Variants in TYW3 observed in about 807,000 individuals in gnomAD.
TYW3 encodes the protein tRNA-yW synthesizing protein 3 homolog, also known as tRNA wybutosine-synthesizing protein 3 homolog.
In TYW3, 26 loss-of-function variants were observed where a neutral mutation model predicts 23.1. The ratio of observed to expected loss-of-function variants is 1.13; its 90% CI spans 0.83 to 1.56. TYW3 has a LOEUF of 1.56. Among genes scored for constraint, TYW3 ranks in the 40% most tolerant of loss-of-function variants. TYW3 has a pLI of 0.00. For missense variants in TYW3, 316 were observed against 311.9 expected (o/e 1.01, Z -0.10); for synonymous variants, 102 against 105.7 (o/e 0.97, Z 0.21).
intron 3 of TYW3, among the ~76,000 whole-genome samples, chr1:74,741,655 AG>A (rs1648367001): frequency 6.6e-6 from 1 of 152,152 alleles, no homozygotes; most frequent in Non-Finnish European, 1.5e-5. Flanking sequence ...TTGCCAAAGA[AG>A]TTATATTTTT....
intron 5 of TYW3, among the ~76,000 whole-genome samples, chr1:74,757,261 C>T (rs890753894): frequency 1.8e-4 from 27 of 152,154 alleles, no homozygotes; most frequent in African/African-American, 5.8e-4. Context: ...ATAGATCCAC[C>T]GACAGCTTGT....
chr1:74,762,346 T>C (rs1180278215), intron 5 of TYW3, among the ~76,000 whole-genome samples: 2 of 152,156 alleles, frequency 1.3e-5, no homozygotes, highest in East Asian at 1.9e-4. Flanking sequence ...TCTGTAGATA[T>C]CAAAAATTTC....
intron 3 of TYW3, among the ~76,000 whole-genome samples, chr1:74,745,203 G>A (rs1478265973): frequency 6.6e-6 from 1 of 152,248 alleles, no homozygotes; most frequent in Non-Finnish European, 1.5e-5. Flanking sequence ...TAAGGGTAGT[G>A]TGGGCCCAAA....
intron 2 of TYW3, among the ~76,000 whole-genome samples, chr1:74,738,146 T>C (rs1648217974): frequency 2.0e-5 from 3 of 152,144 alleles, no homozygotes; most frequent in Admixed American, 1.3e-4. Context: ...TTGCAATTGT[T>C]ACAACAACTG....
intron 1 of TYW3, among the ~76,000 whole-genome samples, chr1:74,735,543 C>T (rs191766329): frequency 3.4e-4 from 52 of 152,154 alleles, no homozygotes; most frequent in African/African-American, 1.2e-3. Flanking sequence ...GGGCAACTTA[C>T]AAACAGGCAA....
rs1455709388 is a variant in TYW3 at position 74,765,948 on chromosome 1, A to G, written c.*1835A>G. 1 of 152,186 alleles carries G rather than the reference A, an allele frequency of 6.6e-6. No homozygotes were observed. The highest frequency in any genetic ancestry group is 6.6e-5 in the Admixed American group (1 of 15,260). The allele number at this position is 152,186 out of a possible 1,614,324, so 9.4% of individuals were successfully genotyped here. ...GTGCTGGCCATAAACCTAAGAAGAC[A>G]TTGAATCCCATTCACTCCTTAACAT... is the stretch of plus-strand genomic sequence containing the variant. On this transcript the variant is annotated 3_prime_UTR_variant, in exon 6 of 6. Coordinates refer to ENST00000370867, the MANE Select transcript of TYW3 (RefSeq NM_138467.3).
At chr1:74,756,018 G>C (rs1252735142) in intron 5 of TYW3, among the ~76,000 whole-genome samples, 1 of 152,148 alleles carries the variant, frequency 6.6e-6, no homozygotes, top group Non-Finnish European at 1.5e-5. Context: ...CCCTGCACAA[G>C]TTCTCTTCAC....
rs1647971560 is a variant in TYW3 at position 74,733,301 on chromosome 1, C to T, written c.57C>T (p.Asp19=). 3 of 1,614,102 alleles carry T rather than the reference C, an allele frequency of 1.9e-6. No homozygotes were observed. The highest frequency in any genetic ancestry group is 2.5e-6 in the Non-Finnish European group (3 of 1,180,042). The change falls in exon 1 of 6, where the codon GAC becomes GAT. Residue 19 remains aspartate, a synonymous_variant. Coordinates refer to ENST00000370867, the MANE Select transcript of TYW3 (RefSeq NM_138467.3). ...AGGCGCAATGTTTGAGCAAAGCGGA[C>T]CTCAGCCGGAAGGGCAGTGTTGACG... is the stretch of plus-strand genomic sequence containing the variant. ...KWKAQCLSKA[D]LSRKGSVDED...
intron 5 of TYW3, among the ~76,000 whole-genome samples, chr1:74,757,228 A>G (rs1429221348): frequency 6.6e-6 from 1 of 152,186 alleles, no homozygotes; most frequent in Non-Finnish European, 1.5e-5. Context: ...GAAGCGGGCT[A>G]CCATCCTCCA....
chr1:74,753,622 C>T (rs1215835475), intron 5 of TYW3, among the ~76,000 whole-genome samples: 1 of 152,154 alleles, frequency 6.6e-6, no homozygotes, highest in East Asian at 1.9e-4. Context: ...TGGGAAATAC[C>T]TATCTTAAAG....
At chr1:74,745,928 A>G (rs969167058) in intron 3 of TYW3, among the ~76,000 whole-genome samples, 1 of 151,968 alleles carries the variant, frequency 6.6e-6, no homozygotes, top group South Asian at 2.1e-4. Context: ...TGTTTCTTCT[A>G]CTTCTTGTAA....
At chr1:74,758,643 A>G (rs370528809) in intron 5 of TYW3, among the ~76,000 whole-genome samples, 5 of 138,268 alleles carry the variant, frequency 3.6e-5, no homozygotes, top group African/African-American at 1.4e-4. Context: ...ATCGTCATTT[A>G]CCAGCCATTT....
intron 3 of TYW3, among the ~76,000 whole-genome samples, chr1:74,742,322 G>A (rs146999994): frequency 2.3e-4 from 35 of 152,282 alleles, no homozygotes; most frequent in African/African-American, 8.2e-4. Context: ...CATTTGATGC[G>A]TGTTTTCAAT....
chr1:74,741,234 T>C (rs1232259805), intron 3 of TYW3, among the ~76,000 whole-genome samples: 1 of 152,202 alleles, frequency 6.6e-6, no homozygotes, highest in Non-Finnish European at 1.5e-5. Context: ...ATGTAGGTTT[T>C]CACTTATATT....
chr1:74,753,435 C>G (rs915308191), intron 5 of TYW3, among the ~76,000 whole-genome samples: 4 of 152,120 alleles, frequency 2.6e-5, no homozygotes, highest in Non-Finnish European at 5.9e-5. Flanking sequence ...ATACTTAGAA[C>G]TTTTTTTGAA....
chr1:74,740,997 G>C (rs919153072), intron 3 of TYW3, among the ~76,000 whole-genome samples: 1 of 152,144 alleles, frequency 6.6e-6, no homozygotes, highest in Admixed American at 6.5e-5. Context: ...GCTGGATAGG[G>C]GTGAAGAAGG....
At chr1:74,755,704 TC>T (rs2100773518) in intron 5 of TYW3, among the ~76,000 whole-genome samples, 1 of 152,198 alleles carries the variant, frequency 6.6e-6, no homozygotes, top group Non-Finnish European at 1.5e-5. Flanking sequence ...TATAGTGTAA[TC>T]AAAGAAAGCA....
At chr1:74,750,698 T>C (rs968293528) in intron 4 of TYW3, among the ~76,000 whole-genome samples, 9 of 152,164 alleles carry the variant, frequency 5.9e-5, no homozygotes, top group African/African-American at 2.2e-4. Context: ...TATAGAACTA[T>C]TGGTTGTTTT....
At chr1:74,741,009 G>T (rs555904013) in intron 3 of TYW3, among the ~76,000 whole-genome samples, 1 of 152,166 alleles carries the variant, frequency 6.6e-6, no homozygotes, top group African/African-American at 2.4e-5. Context: ...TGAAGAAGGG[G>T]CCCTGCAGTT....
Sources: gnomAD v4.1 joint callset for allele counts (sites outside exome capture counted in the v4.1 genomes callset) on GRCh38, gnomAD v4.1.1 for gene constraint, MANE v1.5 for transcripts, NCBI Gene and HGNC (gene_info 2026-07-23, HGNC 2026-07-21) for gene names.